The following OCA2 variants were observed in gnomAD, a reference collection of about 807,000 sequenced individuals.
The protein encoded by OCA2 is P protein.
In OCA2, 77 loss-of-function variants were observed where a neutral mutation model predicts 100.2. The observed-to-expected ratio is 0.77, with a 90% CI of 0.64 to 0.93. The LOEUF (loss-of-function observed/expected upper bound fraction) is 0.93, where lower values mean the gene tolerates loss of function less well. Among genes scored for constraint, OCA2 ranks in the 40% least tolerant of loss-of-function variants. The pLI, the probability that OCA2 is intolerant of heterozygous loss-of-function variation, is 0.00. For missense variants in OCA2, 1,062 were observed against 1,089.1 expected (o/e 0.98, Z 0.35); for synonymous variants, 432 against 439.2 (o/e 0.98, Z 0.21).
chr15:28,046,828 A>C (rs1403158673), intron 2 of OCA2, among the ~76,000 whole-genome samples: 2 of 152,202 alleles, frequency 1.3e-5, no homozygotes, highest in Non-Finnish European at 2.9e-5. Context: ...GCCTCTTCAC[A>C]CAGGGTAGGC....
At chr15:27,826,259 A>G (rs2034717508) in intron 23 of OCA2, among the ~76,000 whole-genome samples, 2 of 152,208 alleles carry the variant, frequency 1.3e-5, no homozygotes, top group Admixed American at 6.5e-5. Context: ...TACCTAAATG[A>G]AAGTTACTGC....
chr15:27,871,267 A>C lies in OCA2; in HGVS notation c.2140-9T>G. 1 of 1,606,026 alleles carries C rather than the reference A, an allele frequency of 6.2e-7. No homozygotes were observed. The highest frequency in any genetic ancestry group is 1.1e-5 in the South Asian group (1 of 90,914). ...TGCTCCTCTGGGACCATCTGGAAGG[A>C]GGACAATAGCAGCTGCAGTGTTCCA... On this transcript the variant is annotated splice_polypyrimidine_tract_variant and intron_variant, in intron 20 of 23. Transcript: ENST00000354638.
chr15:27,960,953 G>T (rs550235859), intron 15 of OCA2, among the ~76,000 whole-genome samples: 1 of 151,712 alleles, frequency 6.6e-6, no homozygotes, highest in Admixed American at 6.6e-5. Flanking sequence ...TTGACAAATG[G>T]GATCTAATTA....
chr15:27,788,596 C>A (rs538778546), intron 23 of OCA2, among the ~76,000 whole-genome samples: 1 of 151,996 alleles, frequency 6.6e-6, no homozygotes, highest in Non-Finnish European at 1.5e-5. Context: ...TAGTCTAAAC[C>A]TGAATCTGGA....
At chr15:27,812,559 G>A (rs1006988488) in intron 23 of OCA2, among the ~76,000 whole-genome samples, 3 of 152,080 alleles carry the variant, frequency 2.0e-5, no homozygotes, top group Non-Finnish European at 4.4e-5. Flanking sequence ...CCAATTGTAC[G>A]TTAAGCTGCA....
chr15:27,893,487 A>C (rs1210952284), intron 19 of OCA2, among the ~76,000 whole-genome samples: 1 of 152,202 alleles, frequency 6.6e-6, no homozygotes, highest in Non-Finnish European at 1.5e-5. Context: ...TCTTGCAGAG[A>C]GCCAATAAAT....
chr15:27,753,312 G>A (rs545727780), downstream of OCA2, among the ~76,000 whole-genome samples: 32 of 151,876 alleles, frequency 2.1e-4, no homozygotes, highest in Admixed American at 9.8e-4. Context: ...GGTGTAACAC[G>A]GAGGGGAGTG....
chr15:27,846,598 C>T (rs2151386348), intron 22 of OCA2, among the ~76,000 whole-genome samples: 1 of 152,288 alleles, frequency 6.6e-6, no homozygotes, highest in East Asian at 1.9e-4. Flanking sequence ...CAGGCAGGTC[C>T]TGCCCAGGTG....
chr15:28,069,413 TCCCCCTCCCCCTCC>T lies in OCA2; in HGVS notation c.227+12221_227+12234del, dbSNP rs1566862734. The stretch of plus-strand genomic sequence containing the variant: ...CTCCCCCTCCCCCTCCCCTTCCCCC[TCCCCCTCCCCCTCC>T]CCCTCCCCCTCTCCCCGGTCTCCCT... On this transcript the variant is annotated intron_variant, in intron 2 of 23. Coordinates refer to ENST00000354638, the MANE Select transcript of OCA2 (RefSeq NM_000275.3). Among the ~76,000 whole-genome samples, 24 of 4,104 alleles carry T rather than the reference TCCCCCTCCCCCTCC, an allele frequency of 5.8e-3. 1 individual carries two copies. The highest frequency in any genetic ancestry group is 0.015 in the African/African-American group (5 of 334). The allele number at this position is 4,104 out of a possible 152,430, so 2.7% of individuals were successfully genotyped here.
chr15:28,015,956 TCACTGTCTA>T (rs1199985655), intron 8 of OCA2, 139 bp downstream of exon 8: 1 of 714,360 alleles, frequency 1.4e-6, no homozygotes, highest in Non-Finnish European at 2.6e-6. Context: ...GCCTTTGAGC[TCACTGTCTA>T]CACAGCATGA....
At chr15:28,069,251 T>A (rs1346439167) in intron 2 of OCA2, among the ~76,000 whole-genome samples, 1 of 151,760 alleles carries the variant, frequency 6.6e-6, no homozygotes, top group Non-Finnish European at 1.5e-5. Flanking sequence ...CAAAATCAAA[T>A]GTACAAAAAT....
rs947268875 is a variant in OCA2, at chr15:27,829,654, T to C, written c.2432+15305A>G. 7.2e-5 allele frequency among the ~76,000 whole-genome samples: 11 copies of C among 152,204 alleles called. No homozygotes were observed. In the East Asian group the frequency reaches 2.1e-3, roughly 29 times the overall value. ...GTGGCCAACATGGCCTTTGTGCCTG[T>C]ACTGGGATCCCTAGCATCCGTACTG... On this transcript the variant is annotated intron_variant, in intron 23 of 23. Transcript: ENST00000354638.
intron 23 of OCA2, among the ~76,000 whole-genome samples, chr15:27,839,636 C>A (rs1468045559): frequency 6.6e-6 from 1 of 151,654 alleles, no homozygotes; most frequent in Non-Finnish European, 1.5e-5. Context: ...TATGTATCCA[C>A]CAAATAACAT....
At position 28,020,068 on chromosome 15, in the gene OCA2, C is replaced by G. The variant is rs1449211102; in HGVS notation, c.647-1511G>C. 2.6e-5 allele frequency among the ~76,000 whole-genome samples: 4 copies of G among 152,138 alleles called. No individual in the cohort carries two copies. The East Asian group carries it at 7.8e-4, about 29-fold the overall frequency. On this transcript the variant is annotated intron_variant, in intron 6 of 23. Transcript: ENST00000354638. ...CATCTCTCCCAGGCTCTCTCTCTCC[C>G]TCTTCATCCAAATTCGAAGGCCACA...
chr15:28,025,384 G>A (rs2042719062), intron 4 of OCA2, among the ~76,000 whole-genome samples: 1 of 152,196 alleles, frequency 6.6e-6, no homozygotes, highest in Non-Finnish European at 1.5e-5. Flanking sequence ...AGTCTGTTAA[G>A]AATTCCTTAG....
chr15:28,043,286 T>G lies in OCA2; in HGVS notation c.228-11123A>C, dbSNP rs1206071243. Among the ~76,000 whole-genome samples, 2 of 152,208 alleles carry G rather than the reference T, an allele frequency of 1.3e-5. No homozygotes were observed. Among genetic ancestry groups the G allele is most frequent in the East Asian group, 3.8e-4 (2 of 5,200 alleles). Reference sequence around the variant, plus strand: ...TGGTAGGATTTTTGAAGTTTACAATTCAACAGAGAGACGGAGAGGTGGTAG... The same window carrying G: ...TGGTAGGATTTTTGAAGTTTACAATGCAACAGAGAGACGGAGAGGTGGTAG... On this transcript the variant is annotated intron_variant, in intron 2 of 23. Coordinates refer to ENST00000354638, the MANE Select transcript of OCA2 (RefSeq NM_000275.3). This position sits in a 1 kb window ranked among gnomAD's most constrained non-coding sequence, Gnocchi z 4.4.
chr15:27,874,257 G>A (rs7171761), intron 19 of OCA2, among the ~76,000 whole-genome samples: 2,392 of 152,278 alleles, frequency 0.016, 55 homozygotes, highest in African/African-American at 0.05. Flanking sequence ...CAGCTGTCTA[G>A]GAGCGGCAAG....
At chr15:27,891,032 A>AAAAAAAAAAAAAAG (rs2037437870) in intron 19 of OCA2, among the ~76,000 whole-genome samples, 1 of 152,198 alleles carries the variant, frequency 6.6e-6, no homozygotes, top group African/African-American at 2.4e-5. Flanking sequence ...TCAAAAAAAA[A>AAAAAAAAAAAAAAG]AAAAGACAAA....
intron 23 of OCA2, among the ~76,000 whole-genome samples, chr15:27,809,546 G>A (rs1032909456): frequency 1.3e-5 from 2 of 152,136 alleles, no homozygotes; most frequent in Non-Finnish European, 2.9e-5. Flanking sequence ...AAAGAAAGAA[G>A]GGTATCCAAA....
Sources: allele counts gnomAD v4.1 joint callset (sites outside exome capture counted in the v4.1 genomes callset), GRCh38; gene constraint gnomAD v4.1.1; non-coding constraint Gnocchi (gnomAD v3.1); transcripts MANE v1.5; gene names NCBI Gene and HGNC (gene_info 2026-07-23, HGNC 2026-07-21).